The following ZNF91 variants were observed in gnomAD, a reference collection of about 807,000 sequenced individuals.
ZNF91 encodes the protein zinc finger protein 91.
ZNF91 carries 7 observed loss-of-function variants against 12.6 expected under a neutral mutation model. The observed-to-expected ratio is 0.55, with a 90% CI of 0.31 to 1.04. The LOEUF (loss-of-function observed/expected upper bound fraction) is 1.04, where lower values mean the gene tolerates loss of function less well. Ranked by LOEUF, ZNF91 falls within the 50% of genes least tolerant of loss-of-function variation. The probability of loss-of-function intolerance (pLI) is 0.05; values close to 1 mark genes in which losing one functional copy is unlikely to be tolerated. For synonymous variants in ZNF91, 453 were observed against 462.6 expected, an observed-to-expected ratio of 0.98 and a Z score of 0.27; for missense variants, 1,217 against 1,385.4, an observed-to-expected ratio of 0.88 and a Z score of 1.93.
chr19:23,306,422 ATTC>A (rs1190136943), intron 3 of ZNF91, among the ~76,000 whole-genome samples: 5 of 152,202 alleles, frequency 3.3e-5, no homozygotes. Context: ...ATATTACCCT[ATTC>A]TTCTGCTTTA....
At chr19:23,346,639 G>A (rs1968238344) in intron 3 of ZNF91, among the ~76,000 whole-genome samples, 2 of 152,128 alleles carry the variant, frequency 1.3e-5, no homozygotes, top group Non-Finnish European at 2.9e-5. Context: ...TGGAGTTGCA[G>A]TAGGTGTTCT....
At position 23,395,412 on chromosome 19, in the gene ZNF91, G is replaced by C. The variant is rs920242946; in HGVS notation, c.-58C>G. On this transcript the variant is annotated 5_prime_UTR_variant, in exon 1 of 4. Coordinates refer to ENST00000300619, the MANE Select transcript of ZNF91 (RefSeq NM_003430.4). The stretch of plus-strand genomic sequence containing the variant: ...CAGGGCCACACAGGCTGGGCCTCCT[G>C]GAGCAGAGGACACAGAGCAGTGAAG... The C allele has an allele frequency of 1.2e-6, 2 of 1,601,072 alleles. No individual in the cohort carries two copies. The highest frequency in any genetic ancestry group is 1.7e-6 in the Non-Finnish European group (2 of 1,171,530).
chr19:23,381,519 C>T (rs537974219), intron 1 of ZNF91, among the ~76,000 whole-genome samples: 73 of 148,422 alleles, frequency 4.9e-4, no homozygotes, highest in Non-Finnish European at 9.2e-4. Context: ...TGGAGTGCAA[C>T]GGCATGATCT....
intron 3 of ZNF91, among the ~76,000 whole-genome samples, 182 bp downstream of exon 3, chr19:23,373,558 AAG>A (rs1379953395): frequency 6.6e-6 from 1 of 151,910 alleles, no homozygotes; most frequent in African/African-American, 2.4e-5. Flanking sequence ...ATTGAAGGGA[AAG>A]TAGAATTCTT....
chr19:23,364,147 C>T (rs780416927), intron 3 of ZNF91, among the ~76,000 whole-genome samples: 3 of 152,116 alleles, frequency 2.0e-5, no homozygotes, highest in Admixed American at 6.5e-5. Context: ...GGTGAAACCC[C>T]GTCTCTACTA....
intron 1 of ZNF91, chr19:23,327,739 TTTG>T (rs1203646910): frequency 3.3e-5 from 5 of 152,172 alleles, no homozygotes; most frequent in African/African-American, 1.2e-4. Flanking sequence ...GTTTTAATTG[TTTG>T]TTAAGTGGTT....
At chr19:23,372,206 G>C (rs1969307526) in intron 3 of ZNF91, among the ~76,000 whole-genome samples, 3 of 151,574 alleles carry the variant, frequency 2.0e-5, no homozygotes, top group Admixed American at 2.0e-4. Flanking sequence ...TTTATATGGA[G>C]AGTGACATTA....
intron 2 of ZNF91, chr19:23,307,873 C>T (rs987945883): frequency 2.6e-5 from 4 of 152,242 alleles, no homozygotes; most frequent in Non-Finnish European, 5.9e-5. Context: ...CTGGGCTCAA[C>T]AAATGAGTGA....
In ZNF91 at chr19:23,346,849, C is replaced by T. The variant is rs149340955; in HGVS notation, c.254-7795G>A. 7.2e-3 allele frequency among the ~76,000 whole-genome samples: 1,101 copies of T among 152,220 alleles called. 12 individuals carry two copies. The highest frequency in any genetic ancestry group is 0.025 in the African/African-American group (1,041 of 41,540). On this transcript the variant is annotated intron_variant, in intron 3 of 3. Coordinates refer to the ZNF91 transcript ENST00000599743. ...GTCAAAGAAAGACATGCTAGCTCAC[C>T]GCAGTTTCCTCTCTCCCCCACGGCT...
At position 23,362,511 on chromosome 19, in the gene ZNF91, A is replaced by C. The variant is rs1461181550; in HGVS notation, c.468T>G (p.Cys156Trp). 1.2e-6 allele frequency: 2 copies of C among 1,602,618 alleles called. No individual in the cohort carries two copies. Among genetic ancestry groups the C allele is most frequent in the East Asian group, 2.2e-5 (1 of 44,794 alleles). Residue 156 changes from cysteine to tryptophan, a missense_variant, in exon 4 of 4, where the codon TGT (cysteine) becomes TGG (tryptophan). Physicochemically the swap from Cys to Trp is radical, Grantham distance 215. Transcript: ENST00000300619. ...LTTAQSKVFQ[C>W]GKYLKVFYKF... is the part of the protein sequence containing the mutation. ...TATAGAAGACTTTCAAATATTTCCC[A>C]CATTGAAATACTTTGCTCTGGGCAG...
chr19:23,381,424 A>G (rs768769926), intron 1 of ZNF91, among the ~76,000 whole-genome samples: 7 of 151,032 alleles, frequency 4.6e-5, no homozygotes, highest in Non-Finnish European at 8.9e-5. Flanking sequence ...AACACACTCC[A>G]CTTTTCAGTT....
At chr19:23,356,956 G>T (rs569458922), downstream of ZNF91, among the ~76,000 whole-genome samples, 3 of 152,114 alleles carry the variant, frequency 2.0e-5, no homozygotes, top group East Asian at 5.8e-4. Context: ...TAGTCCAGGC[G>T]AGGCGGCTCA....
downstream of ZNF91, among the ~76,000 whole-genome samples, chr19:23,336,484 A>G (rs531289836): frequency 3.9e-4 from 59 of 152,326 alleles, no homozygotes; most frequent in African/African-American, 1.4e-3. Flanking sequence ...AGCACTTGCC[A>G]GCACCATGTT....
chr19:23,335,921 C>T (rs907058072), downstream of ZNF91, among the ~76,000 whole-genome samples: 1 of 152,182 alleles, frequency 6.6e-6, no homozygotes, highest in Admixed American at 6.5e-5. Flanking sequence ...GAGCCGTAGA[C>T]TGGAGCTGTT....
chr19:23,324,948 G>C (rs181077300), intron 1 of ZNF91: 1 of 152,010 alleles, frequency 6.6e-6, no homozygotes, highest in East Asian at 2.0e-4. Context: ...CCTCTTGAGA[G>C]AGTGGATGTC....
At chr19:23,378,673 G>A (rs566991936) in intron 1 of ZNF91, among the ~76,000 whole-genome samples, 4 of 152,006 alleles carry the variant, frequency 2.6e-5, no homozygotes, top group Non-Finnish European at 5.9e-5. Flanking sequence ...TATATGTTCA[G>A]GTGTAGACAT....
At chr19:23,306,551 C>A (rs182245126) in intron 3 of ZNF91, among the ~76,000 whole-genome samples, 7 of 152,284 alleles carry the variant, frequency 4.6e-5, no homozygotes, top group Admixed American at 3.9e-4. Flanking sequence ...AGCCCTACAC[C>A]CAAATATGTG....
intron 1 of ZNF91, chr19:23,384,565 C>A: frequency 8.7e-7 from 1 of 1,146,064 alleles, no homozygotes; most frequent in Non-Finnish European, 1.1e-6. Flanking sequence ...TGAAAGCAGC[C>A]AATAACAAGA....
At chr19:23,314,861 TCTC>T (rs1967527591), upstream of ZNF91, among the ~76,000 whole-genome samples, 1 of 152,172 alleles carries the variant, frequency 6.6e-6, no homozygotes, top group African/African-American at 2.4e-5. Flanking sequence ...GTGACTGTCC[TCTC>T]CTTTCTGGGC....
Sources: allele counts gnomAD v4.1 joint callset (sites outside exome capture counted in the v4.1 genomes callset), GRCh38; gene constraint gnomAD v4.1.1; transcripts MANE v1.5; gene names NCBI Gene and HGNC (gene_info 2026-07-23, HGNC 2026-07-21).